STARD7: variants seen among roughly 807,000 people sequenced by gnomAD.
STARD7 encodes the protein StAR related lipid transfer domain containing 7, also known as stAR-related lipid transfer protein 7, mitochondrial.
In STARD7, 30 loss-of-function variants were observed where a neutral mutation model predicts 45.3. The observed-to-expected ratio is 0.66, with a 90% CI of 0.50 to 0.90. The LOEUF (loss-of-function observed/expected upper bound fraction) is 0.90, where lower values mean the gene tolerates loss of function less well. Among genes scored for constraint, STARD7 ranks in the 40% least tolerant of loss-of-function variants. STARD7 has a pLI of 0.00. For missense variants in STARD7, 495 were observed against 491.3 expected (o/e 1.01, Z -0.07); for synonymous variants, 199 against 183.0 (o/e 1.09, Z -0.70).
At chr2:96,194,198 A>C (rs76685489) in intron 3 of STARD7, among the ~76,000 whole-genome samples, 1 of 151,906 alleles carries the variant, frequency 6.6e-6, no homozygotes, top group Non-Finnish European at 1.5e-5. Context: ...TGTCTCTAAG[A>C]AAAAAAAATT....
At chr2:96,187,106 A>C in intron 7 of STARD7, 111 bp downstream of exon 7, 1 of 727,160 alleles carries the variant, frequency 1.4e-6, no homozygotes, top group Non-Finnish European at 2.0e-6. Context: ...CTGTCTCAGA[A>C]AAAAAAAAAA....
rs1231295739 is a variant in STARD7 at position 96,193,225 on chromosome 2, G to A, written c.660+17C>T. On this transcript the variant is annotated intron_variant, in intron 4 of 7. Coordinates refer to ENST00000337288, the MANE Select transcript of STARD7 (RefSeq NM_020151.4). ...ACAAACCTGGACAGAAATAAAATCA[G>A]AAGTAAAAATACTCACAGGAAAATG... is the stretch of plus-strand genomic sequence containing the variant. The A allele has an allele frequency of 1.2e-6, 2 of 1,606,192 alleles. No individual in the cohort carries two copies. The highest frequency in any genetic ancestry group is 1.7e-5 in the Admixed American group (1 of 60,004).
intron 1 of STARD7, among the ~76,000 whole-genome samples, chr2:96,196,484 C>T (rs1162851718): frequency 6.6e-6 from 1 of 151,882 alleles, no homozygotes; most frequent in East Asian, 1.9e-4. Context: ...TTTTTTGAAA[C>T]AGAGTCTCAC....
intron 1 of STARD7, among the ~76,000 whole-genome samples, chr2:96,203,392 T>C (rs1245931759): frequency 6.6e-6 from 1 of 152,038 alleles, no homozygotes; most frequent in Non-Finnish European, 1.5e-5. Flanking sequence ...AAAACGAAAA[T>C]CATTTCAATA....
At position 96,195,324 on chromosome 2, in the gene STARD7, A is replaced by G; in HGVS notation, c.499+17T>C. ...TGTGCAACTATGGAACCCAAAAGATAGCCACACTGGGCTCACCTCGGTACT... is the reference window on the plus strand; with the variant it reads ...TGTGCAACTATGGAACCCAAAAGATGGCCACACTGGGCTCACCTCGGTACT... On this transcript the variant is annotated intron_variant, in intron 2 of 7. Coordinates refer to ENST00000337288, the MANE Select transcript of STARD7 (RefSeq NM_020151.4). 2 of 1,552,164 alleles carry G rather than the reference A, an allele frequency of 1.3e-6. No individual in the cohort carries two copies. Among genetic ancestry groups the G allele is most frequent in the South Asian group, 1.2e-5 (1 of 84,324 alleles).
At chr2:96,208,111 C>A in intron 1 of STARD7, 34 bp downstream of exon 1, 2 of 1,504,230 alleles carry the variant, frequency 1.3e-6, no homozygotes, top group South Asian at 1.3e-5. Flanking sequence ...CCCCCCCACC[C>A]CACGGCCCAG....
intron 1 of STARD7, among the ~76,000 whole-genome samples, chr2:96,204,726 A>G (rs554956666): frequency 6.8e-6 from 1 of 146,164 alleles, no homozygotes; most frequent in African/African-American, 2.5e-5. Flanking sequence ...TTTACCAGTA[A>G]GATACCCTGA....
At chr2:96,192,530 G>A (rs1408779498) in intron 5 of STARD7, 62 bp from the exon 6 acceptor site, 18 of 1,310,696 alleles carry the variant, frequency 1.4e-5, no homozygotes, top group Non-Finnish European at 1.9e-5. Flanking sequence ...CAACAGGAGA[G>A]CTAAGTTAAG....
In STARD7 at chr2:96,186,129, C is replaced by A. The variant is rs1683033140; in HGVS notation, c.*601G>T. 1.3e-5 allele frequency: 2 copies of A among 151,868 alleles called. No individual in the cohort carries two copies. Among genetic ancestry groups the A allele is most frequent in the South Asian group, 4.2e-4 (2 of 4,800 alleles). 9.4% of individuals were successfully genotyped at this position (151,868 alleles called of 1,614,324 possible). ...GCATGGCCCAGGAGTTCAAGACCAG[C>A]CTGGGAAACAGAGTGAAACTCCATC... On this transcript the variant is annotated 3_prime_UTR_variant, in exon 8 of 8. Transcript: ENST00000337288.
chr2:96,195,420 A>G lies in STARD7; in HGVS notation c.420T>C (p.Arg140=), dbSNP rs138732894. 4.9e-4 allele frequency: 792 copies of G among 1,611,654 alleles called. No individual in the cohort carries two copies. Among genetic ancestry groups the G allele is most frequent in the Non-Finnish European group, 6.3e-4 (746 of 1,178,892 alleles). ...GNEDSEGKEQ[R]WEMVMDKKHF... ...GTTTCTTATCCATCACCATTTCCCAACGTTGCTCTTTGCCCTCTGAATCTT... is the reference window on the plus strand; with the variant it reads ...GTTTCTTATCCATCACCATTTCCCAGCGTTGCTCTTTGCCCTCTGAATCTT... Residue 140 remains arginine, a synonymous_variant, in exon 2 of 8, where the codon CGT becomes CGC. Transcript: ENST00000337288.
At chr2:96,196,137 C>A (rs9711547) in intron 1 of STARD7, among the ~76,000 whole-genome samples, 133 of 142,818 alleles carry the variant, frequency 9.3e-4, no homozygotes, top group Middle Eastern at 3.6e-3. Flanking sequence ...AAACAAAAAA[C>A]AAAAAACAAC....
At chr2:96,198,646 T>C (rs1683260004) in intron 1 of STARD7, among the ~76,000 whole-genome samples, 1 of 152,204 alleles carries the variant, frequency 6.6e-6, no homozygotes, top group African/African-American at 2.4e-5. Context: ...AACCTTTTCA[T>C]GTGCTTATAC....
chr2:96,203,338 T>G lies in STARD7; in HGVS notation c.290+4807A>C, dbSNP rs1286194848. On this transcript the variant is annotated intron_variant, in intron 1 of 7. Transcript: ENST00000337288. ...TCCCAAAATAGTAAAATCAGCAGAT[T>G]AGAAAAAGGATCAAGAAAAGAGAGA... Among the ~76,000 whole-genome samples, 4 of 152,198 alleles carry G rather than the reference T, an allele frequency of 2.6e-5. No homozygotes were observed. In the East Asian group the frequency reaches 7.7e-4, roughly 29 times the overall value.
intron 6 of STARD7, 48 bp from the exon 7 acceptor site, chr2:96,187,349 C>T (rs1239548933): frequency 6.0e-6 from 7 of 1,158,370 alleles, no homozygotes; most frequent in Admixed American, 3.4e-5. Context: ...TCACCAACCA[C>T]AACCTCCATA....
intron 1 of STARD7, among the ~76,000 whole-genome samples, chr2:96,197,277 C>T (rs974843872): frequency 3.4e-5 from 5 of 148,672 alleles, no homozygotes; most frequent in African/African-American, 5.0e-5. Flanking sequence ...TGGTGGTGGA[C>T]GCCTGTAATC....
chr2:96,192,220 A>G (rs1683135553), intron 6 of STARD7, 149 bp downstream of exon 6: 7 of 651,686 alleles, frequency 1.1e-5, no homozygotes, highest in South Asian at 1.1e-4. Context: ...AGGAGTTCCC[A>G]AAAAATGGTT....
Position 96,186,624 on chromosome 2 carries a change from C to T in STARD7, c.*106G>A. The T allele has an allele frequency of 3.9e-6, 3 of 762,338 alleles. No homozygotes were observed. The highest frequency in any genetic ancestry group is 6.1e-6 in the Non-Finnish European group (3 of 493,858). 47.2% of individuals were successfully genotyped at this position (762,338 alleles called of 1,614,324 possible). ...TTGAATTATCTTGCACTGGAAGTTA[C>T]AGCAGATGCCTTCTAATACATGTGG... On this transcript the variant is annotated 3_prime_UTR_variant, in exon 8 of 8. Transcript: ENST00000337288.
In STARD7 at chr2:96,208,444, C is replaced by T. The variant is rs919933027; in HGVS notation, c.-10G>A. The T allele has an allele frequency of 7.3e-7, 1 of 1,360,766 alleles. No homozygotes were observed. The highest frequency in any genetic ancestry group is 1.5e-5 in the African/African-American group (1 of 65,140). 84.3% of individuals were successfully genotyped at this position (1,360,766 alleles called of 1,614,324 possible). A position where few individuals can be genotyped will look rare whatever the true frequency, so the allele number is the denominator to read the frequency against. On this transcript the variant is annotated 5_prime_UTR_variant, in exon 1 of 8. Transcript: ENST00000337288. ...GCCTCCGCGGGAGCATGCCGCCTCC[C>T]GCAGGGCCCGCCGCGAGCTTCCGGG... is the stretch of plus-strand genomic sequence containing the variant.
chr2:96,196,786 G>C (rs529424338), intron 1 of STARD7, among the ~76,000 whole-genome samples: 10 of 152,062 alleles, frequency 6.6e-5, no homozygotes, highest in Admixed American at 5.9e-4. Flanking sequence ...AAATAAAATA[G>C]GCTAGGCGCA....
Sources: gnomAD v4.1 joint callset for allele counts (sites outside exome capture counted in the v4.1 genomes callset) on GRCh38, gnomAD v4.1.1 for gene constraint, MANE v1.5 for transcripts, NCBI Gene and HGNC (gene_info 2026-07-23, HGNC 2026-07-21) for gene names.